Variants in EYS observed in about 807,000 individuals in gnomAD.
The protein encoded by EYS is protein eyes shut homolog.
Under a neutral mutation model 282.1 loss-of-function variants are expected in EYS, and 250 were observed. The ratio of observed to expected loss-of-function variants is 0.89; its 90% CI spans 0.80 to 0.98. EYS has a LOEUF of 0.98. EYS is among the 50% of genes least tolerant of loss of function. The probability of loss-of-function intolerance (pLI) is 0.00; values close to 1 mark genes in which losing one functional copy is unlikely to be tolerated. For synonymous variants in EYS, 1,355 were observed against 1,282.9 expected, an observed-to-expected ratio of 1.06 and a Z score of -1.20; for missense variants, 4,016 against 3,709.0, an observed-to-expected ratio of 1.08 and a Z score of -2.15.
intron 31 of EYS, among the ~76,000 whole-genome samples, chr6:64,102,985 A>C (rs1231858132): frequency 6.6e-6 from 1 of 152,174 alleles, no homozygotes; most frequent in Non-Finnish European, 1.5e-5. Flanking sequence ...ACATGTAATT[A>C]AAAAAATCCT....
chr6:65,223,148 T>C (rs1360589608), intron 12 of EYS, among the ~76,000 whole-genome samples: 1 of 152,036 alleles, frequency 6.6e-6, no homozygotes, highest in Non-Finnish European at 1.5e-5. Context: ...GGGGAATGTA[T>C]GATGATGAAA....
intron 22 of EYS, among the ~76,000 whole-genome samples, chr6:64,681,670 C>T (rs1319176686): frequency 6.6e-6 from 1 of 152,012 alleles, no homozygotes; most frequent in Non-Finnish European, 1.5e-5. Flanking sequence ...GAGGCGGGCG[C>T]ATCACAAGGT....
chr6:64,082,910 TTC>T (rs1772021549), intron 31 of EYS, among the ~76,000 whole-genome samples: 2 of 140,286 alleles, frequency 1.4e-5, no homozygotes, highest in Non-Finnish European at 3.2e-5. Flanking sequence ...AAAATGCAAC[TTC>T]TTTTTTTTTT....
Position 65,561,769 on chromosome 6 carries a change from C to T in EYS, c.-332-65776G>A, listed in dbSNP as rs1030264857. On this transcript the variant is annotated intron_variant, in intron 2 of 42. Transcript: ENST00000503581. Reference sequence around the variant, plus strand: ...TTAGAAATGCAAAAGCAATGAAAACCACTACTCTACTTCTATTACAAATCT... The same window carrying T: ...TTAGAAATGCAAAAGCAATGAAAACTACTACTCTACTTCTATTACAAATCT... Among the ~76,000 whole-genome samples, 6 of 151,846 alleles carry T rather than the reference C, an allele frequency of 4.0e-5. No homozygotes were observed. The East Asian group carries it at 9.7e-4, about 24-fold the overall frequency.
At chr6:64,453,722 C>G (rs1212786727) in intron 26 of EYS, among the ~76,000 whole-genome samples, 2 of 152,048 alleles carry the variant, frequency 1.3e-5, no homozygotes, top group African/African-American at 2.4e-5. Context: ...ATGGATGAAG[C>G]TGGAAACCAT....
At chr6:65,487,601 T>C (rs527826097) in intron 5 of EYS, among the ~76,000 whole-genome samples, 1 of 152,304 alleles carries the variant, frequency 6.6e-6, no homozygotes, top group Admixed American at 6.5e-5. Flanking sequence ...GATTTTTGCG[T>C]CAATGTTCAT....
At chr6:64,006,331 C>G (rs531117774) in intron 33 of EYS, among the ~76,000 whole-genome samples, 102 of 152,014 alleles carry the variant, frequency 6.7e-4, no homozygotes, top group Non-Finnish European at 1.3e-3. Flanking sequence ...TATCCTGAAA[C>G]TGCTGAAATT....
chr6:64,392,623 A>T (rs1038831703), intron 28 of EYS, among the ~76,000 whole-genome samples: 2 of 151,420 alleles, frequency 1.3e-5, no homozygotes, highest in African/African-American at 4.9e-5. Flanking sequence ...GACGCATTCA[A>T]AGCAGTGTGT....
chr6:65,047,507 C>T (rs1320313043), intron 13 of EYS, among the ~76,000 whole-genome samples: 1 of 151,940 alleles, frequency 6.6e-6, no homozygotes, highest in African/African-American at 2.4e-5. Context: ...ATATGTTTCA[C>T]ATTTAAATCT....
At chr6:64,802,018 T>TTTC (rs1764248829) in intron 22 of EYS, among the ~76,000 whole-genome samples, 1 of 129,964 alleles carries the variant, frequency 7.7e-6, no homozygotes, top group Non-Finnish European at 1.6e-5. Context: ...AACAAATTTC[T>TTTC]TTTTCTTTTT....
At chr6:64,618,702 T>C (rs553182077) in intron 23 of EYS, among the ~76,000 whole-genome samples, 22 of 152,258 alleles carry the variant, frequency 1.4e-4, no homozygotes, top group African/African-American at 5.1e-4. Flanking sequence ...CACATCAAAC[T>C]TAGAAATAGC....
intron 12 of EYS, among the ~76,000 whole-genome samples, chr6:65,099,948 G>T (rs1432360954): frequency 1.3e-5 from 2 of 150,702 alleles, no homozygotes; most frequent in Non-Finnish European, 3.0e-5. Context: ...AAAGTAAGAT[G>T]TAGTGACAAT....
At chr6:65,386,891 A>G (rs16896632) in intron 7 of EYS, among the ~76,000 whole-genome samples, 7,522 of 151,954 alleles carry the variant, frequency 0.05, 210 homozygotes, top group South Asian at 0.12. Flanking sequence ...GGGTAAGGGT[A>G]ACCTCAGGAT....
chr6:64,864,385 C>CTTTTTTTTT lies in EYS; in HGVS notation c.2992+22303_2992+22311dup, dbSNP rs769240399. Among the ~76,000 whole-genome samples the CTTTTTTTTT allele has an allele frequency of 1.7e-3, 99 of 57,174 alleles. 16 individuals are homozygous for CTTTTTTTTT. The highest frequency in any genetic ancestry group is 3.5e-3 in the South Asian group (5 of 1,446). 37.5% of individuals were successfully genotyped at this position (57,174 alleles called of 152,430 possible). ...GAGAAATACAGAGGTGCTATACCTTCTTTTTTTTTTTTTTTTTTTTTGACA... is the reference window on the plus strand; with the variant it reads ...GAGAAATACAGAGGTGCTATACCTTCTTTTTTTTTTTTTTTTTTTTTTTTTTTTTTGACA... On this transcript the variant is annotated intron_variant, in intron 19 of 42. Transcript: ENST00000503581.
intron 5 of EYS, among the ~76,000 whole-genome samples, chr6:65,484,592 C>T (rs1221207682): frequency 6.6e-6 from 1 of 152,068 alleles, no homozygotes; most frequent in Admixed American, 6.6e-5. Flanking sequence ...CTCCTTATTT[C>T]AGTTGGTATG....
At chr6:64,140,205 G>C (rs1774297479) in intron 31 of EYS, among the ~76,000 whole-genome samples, 1 of 152,102 alleles carries the variant, frequency 6.6e-6, no homozygotes, top group African/African-American at 2.4e-5. Context: ...TATTTTGTCT[G>C]AATGTTTATA....
At chr6:64,855,389 T>A (rs2150044653) in intron 19 of EYS, among the ~76,000 whole-genome samples, 1 of 152,274 alleles carries the variant, frequency 6.6e-6, no homozygotes, top group Non-Finnish European at 1.5e-5. Context: ...TCAGTTTTCC[T>A]TTTCTCTAGT....
chr6:64,513,711 G>A (rs953836848), intron 26 of EYS, among the ~76,000 whole-genome samples: 3 of 151,846 alleles, frequency 2.0e-5, no homozygotes, highest in Admixed American at 1.3e-4. Context: ...AGTGCAAAAT[G>A]TGAGTAAATG....
At chr6:64,634,519 C>T (rs540811020) in intron 22 of EYS, among the ~76,000 whole-genome samples, 7 of 142,386 alleles carry the variant, frequency 4.9e-5, no homozygotes, top group East Asian at 4.2e-4. Flanking sequence ...CTATCTTGTG[C>T]GTATACTCAG....
Sources: gnomAD v4.1 joint callset for allele counts (sites outside exome capture counted in the v4.1 genomes callset) on GRCh38, gnomAD v4.1.1 for gene constraint, MANE v1.5 for transcripts, NCBI Gene and HGNC (gene_info 2026-07-23, HGNC 2026-07-21) for gene names.